FMNL2: variants seen among roughly 807,000 people sequenced by gnomAD.
The protein encoded by FMNL2 is formin like 2.
A neutral mutation model predicts 130.2 loss-of-function variants in FMNL2; 51 were observed. The observed-to-expected ratio is 0.39, with a 90% CI of 0.31 to 0.49. The LOEUF (loss-of-function observed/expected upper bound fraction) is 0.49, where lower values mean the gene tolerates loss of function less well. Ranked by LOEUF, FMNL2 falls within the 20% of genes least tolerant of loss-of-function variation. The probability of loss-of-function intolerance (pLI) is 0.85; values close to 1 mark genes in which losing one functional copy is unlikely to be tolerated. For missense variants in FMNL2, 977 were observed against 1,316.2 expected (o/e 0.74, Z 3.99); for synonymous variants, 465 against 467.1 (o/e 1.00, Z 0.06).
chr2:152,455,422 G>A (rs759147382), intron 1 of FMNL2, among the ~76,000 whole-genome samples: 9 of 152,168 alleles, frequency 5.9e-5, no homozygotes, highest in Non-Finnish European at 1.3e-4. Context: ...ACCACCAGAG[G>A]AAAGTTCCAG....
intron 1 of FMNL2, among the ~76,000 whole-genome samples, chr2:152,407,884 T>G (rs1686074253): frequency 6.6e-6 from 1 of 152,228 alleles, no homozygotes; most frequent in African/African-American, 2.4e-5. Context: ...ACACAGTAGG[T>G]ACTCAGTAGC....
At chr2:152,645,211 C>T (rs1180180920) in intron 25 of FMNL2, among the ~76,000 whole-genome samples, 1 of 152,132 alleles carries the variant, frequency 6.6e-6, no homozygotes, top group Non-Finnish European at 1.5e-5. Context: ...TTTCTGGAGC[C>T]AATCTTCAAA....
intron 9 of FMNL2, among the ~76,000 whole-genome samples, chr2:152,601,166 A>G (rs1439128873): frequency 6.6e-6 from 1 of 152,106 alleles, no homozygotes; most frequent in Non-Finnish European, 1.5e-5. Flanking sequence ...CAAGAACCTT[A>G]CTTAGGCTTT....
chr2:152,558,353 G>T (rs1407432148), intron 4 of FMNL2, among the ~76,000 whole-genome samples: 1 of 152,160 alleles, frequency 6.6e-6, no homozygotes, highest in Non-Finnish European at 1.5e-5. Context: ...ATGTTGTCAT[G>T]TCCCCCATCT....
intron 1 of FMNL2, among the ~76,000 whole-genome samples, chr2:152,430,266 T>C (rs1418516752): frequency 6.6e-6 from 1 of 152,216 alleles, no homozygotes; most frequent in Non-Finnish European, 1.5e-5. Context: ...TAGTCCATTT[T>C]AGAACTTGCG....
chr2:152,417,750 T>C (rs1383113263), intron 1 of FMNL2, among the ~76,000 whole-genome samples: 2 of 152,236 alleles, frequency 1.3e-5, no homozygotes, highest in African/African-American at 2.4e-5. Flanking sequence ...AATTTCCCAC[T>C]GAACCCAGAC....
chr2:152,511,556 G>A (rs535300600), intron 1 of FMNL2, among the ~76,000 whole-genome samples: 1 of 152,202 alleles, frequency 6.6e-6, no homozygotes, highest in Non-Finnish European at 1.5e-5. Flanking sequence ...TATTTCAGAA[G>A]ACGTGACCTT....
At chr2:152,408,957 A>G (rs1366128305) in intron 1 of FMNL2, among the ~76,000 whole-genome samples, 3 of 152,218 alleles carry the variant, frequency 2.0e-5, no homozygotes, top group Admixed American at 6.5e-5. Flanking sequence ...CAGTGCATTG[A>G]TTTCTAAAGT....
At chr2:152,496,256 TTATGA>T (rs756845753) in intron 1 of FMNL2, among the ~76,000 whole-genome samples, 11 of 152,152 alleles carry the variant, frequency 7.2e-5, no homozygotes, top group Non-Finnish European at 1.2e-4. Flanking sequence ...TCTTTGTTCT[TTATGA>T]TTTTGATAAT....
At chr2:152,601,962 A>C (rs1005671060) in intron 9 of FMNL2, among the ~76,000 whole-genome samples, 21 of 152,110 alleles carry the variant, frequency 1.4e-4, no homozygotes, top group East Asian at 9.6e-4. Context: ...GAGCCACTGC[A>C]CCTGGCCTAA....
intron 9 of FMNL2, among the ~76,000 whole-genome samples, chr2:152,597,426 C>T (rs1697828105): frequency 6.6e-6 from 1 of 152,166 alleles, no homozygotes; most frequent in African/African-American, 2.4e-5. Context: ...TGCAGACTCC[C>T]CATTTCATCA....
intron 1 of FMNL2, among the ~76,000 whole-genome samples, chr2:152,444,878 T>C (rs1039695040): frequency 3.9e-5 from 6 of 152,036 alleles, no homozygotes; most frequent in Non-Finnish European, 7.4e-5. Context: ...TTGCCAGTAA[T>C]TGCGCCCACT....
rs78131967 is a variant in FMNL2 at position 152,519,165 on chromosome 2, A to C, written c.118-2778A>C. Among the ~76,000 whole-genome samples, 1,252 of 152,124 alleles carry C rather than the reference A, an allele frequency of 8.2e-3. 20 individuals carry two copies. The highest frequency in any genetic ancestry group is 0.029 in the African/African-American group (1,201 of 41,460). On this transcript the variant is annotated intron_variant, in intron 1 of 25. Transcript: ENST00000288670. ...CAATCCTTCTCATTTATTGGGACTC[A>C]TTTGTTACTTTTTCCTGAGAGGTTT...
At position 152,434,211 on chromosome 2, in the gene FMNL2, C is replaced by T. The variant is rs148967832; in HGVS notation, c.118-87732C>T. Among the ~76,000 whole-genome samples the T allele has an allele frequency of 6.6e-5, 10 of 152,264 alleles. No homozygotes were observed. The East Asian group carries it at 1.9e-3, about 29-fold the overall frequency. On this transcript the variant is annotated intron_variant, in intron 1 of 25. Coordinates refer to ENST00000288670, the MANE Select transcript of FMNL2 (RefSeq NM_052905.4). ...GACCTAGAGCAACAGGGAAGGGAGT[C>T]AGAGAGACAAGTTTTGTGCAGACTG...
chr2:152,630,264 G>A (rs1682070665), intron 20 of FMNL2, among the ~76,000 whole-genome samples: 1 of 152,202 alleles, frequency 6.6e-6, no homozygotes, highest in South Asian at 2.1e-4. Flanking sequence ...TACTGATGAA[G>A]AGTGTCCCAA....
chr2:152,431,058 C>T (rs995097232), intron 1 of FMNL2, among the ~76,000 whole-genome samples: 1 of 152,052 alleles, frequency 6.6e-6, no homozygotes, highest in African/African-American at 2.4e-5. Flanking sequence ...CTTTTGGGGC[C>T]AAATGCTCAG....
intron 2 of FMNL2, among the ~76,000 whole-genome samples, chr2:152,530,167 T>C (rs113409064): frequency 2.1e-3 from 316 of 152,346 alleles, no homozygotes; most frequent in African/African-American, 7.3e-3. Flanking sequence ...TTTTATAAAC[T>C]TGAGGACACT....
intron 3 of FMNL2, among the ~76,000 whole-genome samples, chr2:152,543,714 C>T (rs1271084159): frequency 3.4e-5 from 5 of 144,998 alleles, no homozygotes; most frequent in Admixed American, 7.0e-5. Flanking sequence ...CTCCCCTCAC[C>T]GCCCACCCCC....
chr2:152,351,468 T>G (rs941687577), intron 1 of FMNL2, among the ~76,000 whole-genome samples: 8 of 152,182 alleles, frequency 5.3e-5, no homozygotes, highest in Non-Finnish European at 1.0e-4. Context: ...TTTCTGTTCC[T>G]GTGTTAGTTT....
Sources: gnomAD v4.1 joint callset for allele counts (sites outside exome capture counted in the v4.1 genomes callset) on GRCh38, gnomAD v4.1.1 for gene constraint, MANE v1.5 for transcripts, NCBI Gene and HGNC (gene_info 2026-07-23, HGNC 2026-07-21) for gene names.